Variants in PRORP observed in about 807,000 individuals in gnomAD.
The protein encoded by PRORP is protein only RNase P catalytic subunit.
A neutral mutation model predicts 59.4 loss-of-function variants in PRORP; 51 were observed. That is an observed-to-expected ratio of 0.86 (90% confidence interval 0.69 to 1.08). The LOEUF (loss-of-function observed/expected upper bound fraction) is 1.08. Among genes scored for constraint, PRORP ranks in the 50% least tolerant of loss-of-function variants. The pLI is 0.00. For missense variants in PRORP, 646 were observed against 690.3 expected (o/e 0.94, Z 0.72); for synonymous variants, 231 against 245.6 (o/e 0.94, Z 0.55).
chr14:35,235,571 A>G (rs755779517), intron 5 of PRORP: 27 of 529,968 alleles, frequency 5.1e-5, no homozygotes, highest in Non-Finnish European at 9.3e-5. Flanking sequence ...TGCTCGAAGG[A>G]CAGGTGGTCT....
intron 5 of PRORP, among the ~76,000 whole-genome samples, chr14:35,230,052 T>C (rs1338635892): frequency 9.5e-5 from 4 of 42,012 alleles, no homozygotes; most frequent in Middle Eastern, 0.011. Context: ...TGTAAATTCT[T>C]TTTTTTTTTT....
At position 35,123,414 on chromosome 14, in the gene PRORP, A is replaced by G. The variant is rs1341768260; in HGVS notation, c.169A>G (p.Lys57Glu). The G allele has an allele frequency of 2.5e-6, 4 of 1,614,098 alleles. No homozygotes were observed. The African/African-American group carries it at 4.0e-5, about 16-fold the overall frequency. Residue 57 changes from lysine (K) to glutamate (E), a missense_variant, in exon 2 of 8, where the codon AAA becomes GAA. By Grantham distance (56) the Lys-to-Glu change is moderately conservative. Coordinates refer to ENST00000534898, the MANE Select transcript of PRORP (RefSeq NM_014672.4). ...TAAAACAATGTCTCCACAGAATACC[A>G]AAGCAACGAATCTGATTGCCAAGGC... Reference protein sequence around the residue: ...SLKTMSPQNTKATNLIAKARY... With the variant: ...SLKTMSPQNTEATNLIAKARY...
Position 35,193,499 on chromosome 14 carries a change from T to C in PRORP, c.1275+12722T>C, listed in dbSNP as rs1443929435. Among the ~76,000 whole-genome samples the C allele has an allele frequency of 2.0e-5, 3 of 152,254 alleles. No homozygotes were observed. In the South Asian group the frequency reaches 6.2e-4, roughly 32 times the overall value. ...GTGTTTACTTGACAGTAAGTTCTTA[T>C]TTTTTCTGCCACTCAAGTTATTTTA... is the stretch of plus-strand genomic sequence containing the variant. On this transcript the variant is annotated intron_variant, in intron 5 of 7. Transcript: ENST00000534898.
At position 35,187,428 on chromosome 14, in the gene PRORP, GTTTT is replaced by G. The variant is rs34808330; in HGVS notation, c.1275+6664_1275+6667del. ...GGACCTGGTATATTGTAGTTTCTTT[GTTTT>G]TTTTTTTTTTTTAGATGGAGTCTCA... On this transcript the variant is annotated intron_variant, in intron 5 of 7. Transcript: ENST00000534898. Among the ~76,000 whole-genome samples the G allele has an allele frequency of 1.4e-4, 20 of 138,984 alleles. No homozygotes were observed. In the East Asian group the frequency reaches 4.1e-3, roughly 29 times the overall value. The allele number at this position is 138,984 out of a possible 152,430, so 91.2% of individuals were successfully genotyped here.
intron 5 of PRORP, among the ~76,000 whole-genome samples, chr14:35,240,880 T>A (rs987592028): frequency 6.6e-6 from 1 of 152,158 alleles, no homozygotes; most frequent in African/African-American, 2.4e-5. Flanking sequence ...CTGTGTGAAA[T>A]AGCCCTCCAT....
chr14:35,237,612 A>G (rs1171327135), intron 5 of PRORP, among the ~76,000 whole-genome samples: 1 of 152,126 alleles, frequency 6.6e-6, no homozygotes, highest in Admixed American at 6.6e-5. Context: ...TGAATATATT[A>G]AAATATTTAT....
chr14:35,182,845 T>G (rs2048649299), intron 5 of PRORP, among the ~76,000 whole-genome samples: 1 of 152,172 alleles, frequency 6.6e-6, no homozygotes, highest in South Asian at 2.1e-4. Context: ...TCTGTAACTT[T>G]CATTATCTAA....
chr14:35,144,159 T>G (rs542209194), intron 4 of PRORP: 1 of 153,432 alleles, frequency 6.5e-6, no homozygotes, highest in Non-Finnish European at 1.4e-5. Context: ...TCATATAGCC[T>G]GTTTGATCTG....
chr14:35,135,160 G>T (rs189651498), intron 4 of PRORP, among the ~76,000 whole-genome samples: 76 of 152,352 alleles, frequency 5.0e-4, no homozygotes, highest in Non-Finnish European at 8.2e-4. Flanking sequence ...GCTGCAGGGG[G>T]ATGGGAGAGG....
chr14:35,183,726 C>A (rs1337940071), intron 5 of PRORP, among the ~76,000 whole-genome samples: 2 of 152,122 alleles, frequency 1.3e-5, no homozygotes, highest in Non-Finnish European at 2.9e-5. Context: ...CTAAATATAA[C>A]ACATTTCTTT....
intron 5 of PRORP, among the ~76,000 whole-genome samples, chr14:35,198,106 G>A (rs1252972618): frequency 6.6e-6 from 1 of 152,188 alleles, no homozygotes; most frequent in African/African-American, 2.4e-5. Context: ...TCAGAGCTTT[G>A]GAGAATGGGG....
rs1249331235 is a variant in PRORP at position 35,274,099 on chromosome 14, T to C, written c.*533T>C. 2.6e-5 allele frequency: 4 copies of C among 152,246 alleles called. No homozygotes were observed. Among genetic ancestry groups the C allele is most frequent in the African/African-American group, 9.6e-5 (4 of 41,464 alleles). 9.4% of individuals were successfully genotyped at this position (152,246 alleles called of 1,614,324 possible). A position where few individuals can be genotyped will look rare whatever the true frequency, so the allele number is the denominator to read the frequency against. On this transcript the variant is annotated 3_prime_UTR_variant, in exon 8 of 8. Transcript: ENST00000534898. ...ATTCATAGCAGTTTTTAATTACTTA[T>C]CATCCAATTATTTGGATTGGAGAAG...
At chr14:35,180,556 TTAA>T in intron 4 of PRORP, 111 bp from the exon 5 acceptor site, 2 of 531,864 alleles carry the variant, frequency 3.8e-6, no homozygotes, top group Non-Finnish European at 6.7e-6. Flanking sequence ...GTGTGTATTT[TTAA>T]GGGATGAATA....
intron 5 of PRORP, among the ~76,000 whole-genome samples, chr14:35,241,669 A>G (rs1428878014): frequency 1.3e-5 from 2 of 152,094 alleles, no homozygotes; most frequent in Admixed American, 6.6e-5. Context: ...ACAAAACCCA[A>G]GATCCTGTGT....
chr14:35,253,670 C>T (rs770505668), intron 5 of PRORP, among the ~76,000 whole-genome samples: 1 of 152,144 alleles, frequency 6.6e-6, no homozygotes, highest in Non-Finnish European at 1.5e-5. Context: ...ATCAAAATGA[C>T]TCCCCTTGGT....
chr14:35,130,121 C>A (rs905857064), intron 4 of PRORP, among the ~76,000 whole-genome samples: 4 of 151,756 alleles, frequency 2.6e-5, no homozygotes, highest in African/African-American at 9.7e-5. Context: ...GCCTCTGCCC[C>A]CCAGGTTCAA....
intron 5 of PRORP, among the ~76,000 whole-genome samples, chr14:35,200,892 G>A (rs562799555): frequency 8.5e-5 from 13 of 152,100 alleles, no homozygotes; most frequent in Non-Finnish European, 8.8e-5. Flanking sequence ...TTTGCTTATT[G>A]TCCTTGTTCT....
chr14:35,139,435 A>G (rs1230569358), intron 4 of PRORP, among the ~76,000 whole-genome samples: 2 of 145,458 alleles, frequency 1.4e-5, no homozygotes, highest in Non-Finnish European at 3.1e-5. Context: ...GCCATTTTGT[A>G]ATGACTCCCT....
At chr14:35,169,208 C>A (rs1333201095) in intron 4 of PRORP, among the ~76,000 whole-genome samples, 1 of 151,594 alleles carries the variant, frequency 6.6e-6, no homozygotes, top group Non-Finnish European at 1.5e-5. Flanking sequence ...TTTCCTAATT[C>A]CCTTTGTAAT....
Sources: allele counts gnomAD v4.1 joint callset (sites outside exome capture counted in the v4.1 genomes callset), GRCh38; gene constraint gnomAD v4.1.1; transcripts MANE v1.5; gene names NCBI Gene and HGNC (gene_info 2026-07-23, HGNC 2026-07-21).